The following EML4 variants were observed in gnomAD, a reference collection of about 807,000 sequenced individuals.
The protein encoded by EML4 is echinoderm microtubule-associated protein-like 4.
In EML4, 72 loss-of-function variants were observed where a neutral mutation model predicts 129.0. The ratio of observed to expected loss-of-function variants is 0.56; its 90% CI spans 0.46 to 0.68. The LOEUF is 0.68. EML4 is among the 30% of genes least tolerant of loss of function. The probability of loss-of-function intolerance (pLI) is 0.00; values close to 1 mark genes in which losing one functional copy is unlikely to be tolerated. For missense variants in EML4, 1,363 were observed against 1,190.6 expected, an observed-to-expected ratio of 1.14 and a Z score of -2.13; for synonymous variants, 532 against 405.0, an observed-to-expected ratio of 1.31 and a Z score of -3.77.
intron 3 of EML4, among the ~76,000 whole-genome samples, chr2:42,260,905 G>A (rs2302346): frequency 0.52 from 79,184 of 151,950 alleles, 21,056 homozygotes; most frequent in East Asian, 0.74. Flanking sequence ...TCTTCATGGG[G>A]TGTATCGCCT....
At chr2:42,206,008 T>C (rs899062411) in intron 1 of EML4, among the ~76,000 whole-genome samples, 5 of 152,204 alleles carry the variant, frequency 3.3e-5, no homozygotes, top group Non-Finnish European at 7.4e-5. Flanking sequence ...CATTTTTGCC[T>C]CTGAATTTCT....
chr2:42,309,467 G>T (rs1668808279), intron 17 of EML4, among the ~76,000 whole-genome samples: 1 of 149,896 alleles, frequency 6.7e-6, no homozygotes, highest in Admixed American at 6.6e-5. Flanking sequence ...TTTTGTTTAG[G>T]AACTACCAAA....
chr2:42,314,884 A>G (rs1268087669), intron 17 of EML4, among the ~76,000 whole-genome samples: 1 of 152,212 alleles, frequency 6.6e-6, no homozygotes, highest in East Asian at 1.9e-4. Flanking sequence ...AGGTCTGATA[A>G]TAGTGATTTA....
rs1003181024 is a variant in EML4 at position 42,169,357 on chromosome 2, C to T, written c.-255C>T. 4.8e-5 allele frequency: 9 copies of T among 186,786 alleles called. No homozygotes were observed. The highest frequency in any genetic ancestry group is 3.9e-4 in the East Asian group (4 of 10,366). 11.6% of individuals were successfully genotyped at this position (186,786 alleles called of 1,614,324 possible). On this transcript the variant is annotated 5_prime_UTR_variant, in exon 1 of 23. Coordinates refer to ENST00000318522, the MANE Select transcript of EML4 (RefSeq NM_019063.5). ...CGGGGCGGGGCGCGGCGCGGCGCGG[C>T]GCTCGCGGCTGCTGCCTGGGAGGGA... is the stretch of plus-strand genomic sequence containing the variant.
chr2:42,330,760 T>TA lies in EML4; in HGVS notation c.*559dup. 4.6e-6 allele frequency: 1 copy of TA among 219,328 alleles called. No homozygotes were observed. The highest frequency in any genetic ancestry group is 9.3e-6 in the Non-Finnish European group (1 of 107,552). 13.6% of individuals were successfully genotyped at this position (219,328 alleles called of 1,614,324 possible). A position where few individuals can be genotyped will look rare whatever the true frequency, so the allele number is the denominator to read the frequency against. On this transcript the variant is annotated 3_prime_UTR_variant, in exon 23 of 23. Coordinates refer to ENST00000318522, the MANE Select transcript of EML4 (RefSeq NM_019063.5). ...CCAAGTGCAATGGTGTTGCCTTCTT[T>TA]AAAAAATGCCGTTTTCTTACACTAC...
chr2:42,315,585 T>A (rs744916), intron 17 of EML4, among the ~76,000 whole-genome samples: 33,517 of 152,036 alleles, frequency 0.22, 4,477 homozygotes, highest in East Asian at 0.55. Flanking sequence ...AGTAAAAAAA[T>A]AGACCTGTCT....
intron 2 of EML4, among the ~76,000 whole-genome samples, chr2:42,247,589 G>A (rs559211482): frequency 6.6e-6 from 1 of 152,218 alleles, no homozygotes; most frequent in African/African-American, 2.4e-5. Flanking sequence ...AGGACAAGGG[G>A]CCTGAGGGTT....
intron 6 of EML4, among the ~76,000 whole-genome samples, chr2:42,265,883 T>C (rs1666034851): frequency 6.6e-6 from 1 of 152,260 alleles, no homozygotes; most frequent in Non-Finnish European, 1.5e-5. Flanking sequence ...TTTTGGCGAA[T>C]GCGTATTTAA....
chr2:42,177,259 T>TG (rs1670660306), intron 1 of EML4, among the ~76,000 whole-genome samples: 1 of 151,764 alleles, frequency 6.6e-6, no homozygotes, highest in South Asian at 2.1e-4. Context: ...CATACCTCTT[T>TG]TTTTTTTTAA....
At chr2:42,278,591 A>T (rs947986140) in intron 6 of EML4, among the ~76,000 whole-genome samples, 8 of 148,208 alleles carry the variant, frequency 5.4e-5, no homozygotes, top group African/African-American at 1.9e-4. Context: ...AAAAAAAAAA[A>T]AAAAAAAAAA....
intron 20 of EML4, 35 bp from the exon 21 acceptor site, chr2:42,326,119 C>A (rs757860269): frequency 2.5e-6 from 4 of 1,608,802 alleles, no homozygotes; most frequent in Admixed American, 3.4e-5. Flanking sequence ...TGTACACAAG[C>A]ACTATGATTA....
At chr2:42,300,544 A>T (rs975697926) in intron 13 of EML4, among the ~76,000 whole-genome samples, 8 of 152,146 alleles carry the variant, frequency 5.3e-5, no homozygotes, top group Admixed American at 2.6e-4. Context: ...ATCAATTTTT[A>T]AAATACTGAA....
chr2:42,200,997 C>CT (rs1164168180), intron 1 of EML4, among the ~76,000 whole-genome samples: 1 of 152,150 alleles, frequency 6.6e-6, no homozygotes, highest in Admixed American at 6.5e-5. Context: ...ATTGCATCCT[C>CT]TAATTGTTGT....
chr2:42,266,928 G>A (rs1666096047), intron 6 of EML4, among the ~76,000 whole-genome samples: 1 of 152,172 alleles, frequency 6.6e-6, no homozygotes, highest in African/African-American at 2.4e-5. Context: ...GGAGATGTGT[G>A]GAAAAGGAGT....
At chr2:42,285,665 A>G (rs1418372751) in intron 9 of EML4, among the ~76,000 whole-genome samples, 1 of 149,276 alleles carries the variant, frequency 6.7e-6, no homozygotes, top group African/African-American at 2.5e-5. Context: ...GTGGCACAAT[A>G]TTGGCTCACT....
intron 13 of EML4, among the ~76,000 whole-genome samples, chr2:42,296,235 G>GT (rs1383063095): frequency 4.6e-5 from 7 of 152,080 alleles, no homozygotes; most frequent in Admixed American, 6.6e-5. Context: ...TGGAGACCTG[G>GT]TTCTAAAACC....
At chr2:42,257,680 CA>C (rs572035000) in intron 3 of EML4, among the ~76,000 whole-genome samples, 1 of 151,306 alleles carries the variant, frequency 6.6e-6, no homozygotes. Flanking sequence ...CTAAAAAATA[CA>C]AAAAAAATAG....
At chr2:42,215,944 G>A (rs954096311) in intron 1 of EML4, among the ~76,000 whole-genome samples, 1 of 150,630 alleles carries the variant, frequency 6.6e-6, no homozygotes, top group Non-Finnish European at 1.5e-5. Flanking sequence ...TTTTTGAAAC[G>A]GAGTCTAGCT....
chr2:42,181,541 C>T (rs2719127), intron 1 of EML4, among the ~76,000 whole-genome samples: 2 of 151,996 alleles, frequency 1.3e-5, no homozygotes, highest in Admixed American at 6.6e-5. Context: ...CTCAAATGAC[C>T]TACCTCAGCC....
Sources: allele counts gnomAD v4.1 joint callset (sites outside exome capture counted in the v4.1 genomes callset), GRCh38; gene constraint gnomAD v4.1.1; transcripts MANE v1.5; gene names NCBI Gene and HGNC (gene_info 2026-07-23, HGNC 2026-07-21).